HPSE2: variants seen among roughly 807,000 people sequenced by gnomAD.
The protein encoded by HPSE2 is heparanase 2 (inactive).
Under a neutral mutation model 60.5 loss-of-function variants are expected in HPSE2, and 38 were observed. The ratio of observed to expected loss-of-function variants is 0.63; its 90% CI spans 0.48 to 0.82. The LOEUF is 0.82. Among genes scored for constraint, HPSE2 ranks in the 40% least tolerant of loss-of-function variants. HPSE2 has a pLI of 0.00. For synonymous variants in HPSE2, 295 were observed against 293.2 expected (o/e 1.01, Z -0.06); for missense variants, 713 against 740.4 (o/e 0.96, Z 0.43).
chr10:99,020,518 C>T (rs1957239691), intron 3 of HPSE2, among the ~76,000 whole-genome samples: 1 of 152,192 alleles, frequency 6.6e-6, no homozygotes, highest in African/African-American at 2.4e-5. Context: ...ATTCCCTTTC[C>T]AAGGCAGTCT....
intron 3 of HPSE2, among the ~76,000 whole-genome samples, chr10:98,991,264 G>C (rs539102000): frequency 6.6e-6 from 1 of 152,276 alleles, no homozygotes; most frequent in African/African-American, 2.4e-5. Context: ...AAAGTGCTGA[G>C]GTCAGAGTGG....
chr10:98,466,351 C>G (rs543917933), intron 11 of HPSE2, among the ~76,000 whole-genome samples: 1 of 152,208 alleles, frequency 6.6e-6, no homozygotes, highest in East Asian at 1.9e-4. Flanking sequence ...CGGTGGCTCA[C>G]GCCTGTAATC....
chr10:98,551,605 C>G (rs1162793906), intron 9 of HPSE2, among the ~76,000 whole-genome samples: 2 of 152,172 alleles, frequency 1.3e-5, no homozygotes, highest in Admixed American at 6.5e-5. Flanking sequence ...GACTGGGGCT[C>G]ATTCATCCCA....
intron 3 of HPSE2, among the ~76,000 whole-genome samples, chr10:98,818,908 C>T (rs1442868799): frequency 2.6e-5 from 4 of 152,162 alleles, no homozygotes; most frequent in Non-Finnish European, 4.4e-5. Flanking sequence ...TTCAGTTAAC[C>T]TGGCCAGCCA....
At chr10:98,561,915 G>C (rs547800697) in intron 9 of HPSE2, among the ~76,000 whole-genome samples, 1 of 152,246 alleles carries the variant, frequency 6.6e-6, no homozygotes, top group East Asian at 1.9e-4. Context: ...CTTTAGTGTA[G>C]TGTAAGTATA....
chr10:98,758,128 C>T (rs1442581991), intron 3 of HPSE2, among the ~76,000 whole-genome samples: 1 of 152,072 alleles, frequency 6.6e-6, no homozygotes, highest in Admixed American at 6.6e-5. Flanking sequence ...GGATAACTGG[C>T]TAGCCATATG....
chr10:99,293,892 A>G, the HPSE2 span, among the ~76,000 whole-genome samples: 2 of 152,296 alleles, frequency 1.3e-5, no homozygotes, highest in East Asian at 3.9e-4. Flanking sequence ...AACCCAAATT[A>G]TTCCTATAAC....
At chr10:98,610,231 T>C (rs1402069918) in intron 9 of HPSE2, among the ~76,000 whole-genome samples, 1 of 152,172 alleles carries the variant, frequency 6.6e-6, no homozygotes, top group Admixed American at 6.5e-5. Flanking sequence ...ATTTAAGCCC[T>C]GTGTCCACAC....
intron 3 of HPSE2, among the ~76,000 whole-genome samples, chr10:99,005,242 C>G (rs1956864743): frequency 1.6e-5 from 2 of 123,642 alleles, no homozygotes; most frequent in African/African-American, 6.0e-5. Flanking sequence ...TTTCAGTAAG[C>G]TTTTTACCCC....
rs572207162 is a variant in HPSE2, at chr10:99,014,597, C to T, written c.610+129641G>A. 9.2e-5 allele frequency among the ~76,000 whole-genome samples: 14 copies of T among 152,316 alleles called. 1 individual carries two copies. In the South Asian group the frequency reaches 1.4e-3, roughly 16 times the overall value. Reference sequence around the variant, plus strand: ...CAGTGTATAAGTGTTCCGTTTTCTCCACAACCTCACCAGCATATGTTATTT... The same window carrying T: ...CAGTGTATAAGTGTTCCGTTTTCTCTACAACCTCACCAGCATATGTTATTT... On this transcript the variant is annotated intron_variant, in intron 3 of 11. Transcript: ENST00000370552.
At chr10:99,018,317 C>T (rs759311856) in intron 3 of HPSE2, among the ~76,000 whole-genome samples, 4 of 152,146 alleles carry the variant, frequency 2.6e-5, no homozygotes, top group Admixed American at 6.5e-5. Context: ...GAGTAGTTTA[C>T]GGCTGGGTTT....
At chr10:98,855,327 G>A (rs532631892) in intron 3 of HPSE2, among the ~76,000 whole-genome samples, 39 of 152,208 alleles carry the variant, frequency 2.6e-4, no homozygotes, top group Non-Finnish European at 4.4e-4. Context: ...TTGGGTGTGT[G>A]GGGATTGTGG....
intron 9 of HPSE2, among the ~76,000 whole-genome samples, chr10:98,601,865 G>A (rs1225330017): frequency 2.0e-5 from 3 of 152,178 alleles, no homozygotes; most frequent in Non-Finnish European, 4.4e-5. Context: ...AGTAGATAAA[G>A]TCTTCTGTTT....
chr10:98,803,586 C>A (rs1950968964), intron 3 of HPSE2, among the ~76,000 whole-genome samples: 2 of 152,166 alleles, frequency 1.3e-5, no homozygotes, highest in South Asian at 4.1e-4. Flanking sequence ...GGAAACCTTT[C>A]CCCATTGCTT....
intron 3 of HPSE2, among the ~76,000 whole-genome samples, chr10:98,962,868 T>C (rs1255865002): frequency 6.6e-6 from 1 of 152,048 alleles, no homozygotes; most frequent in East Asian, 1.9e-4. Flanking sequence ...GGAATCCAAC[T>C]TACAAGGGAT....
intron 6 of HPSE2, among the ~76,000 whole-genome samples, chr10:98,692,491 G>A (rs888609746): frequency 2.6e-5 from 4 of 151,818 alleles, no homozygotes; most frequent in Admixed American, 6.6e-5. Context: ...ACTTAAGGCC[G>A]GGCGCGGTGG....
chr10:99,232,211 GCATA>G (rs779929720), intron 2 of HPSE2, 133 bp downstream of exon 2: 1 of 696,270 alleles, frequency 1.4e-6, no homozygotes, highest in South Asian at 1.9e-5. Flanking sequence ...GCGCGCGCGC[GCATA>G]CACACACACA....
chr10:98,726,481 G>A (rs113233009), intron 4 of HPSE2, among the ~76,000 whole-genome samples: 11 of 132,170 alleles, frequency 8.3e-5, no homozygotes, highest in African/African-American at 2.9e-4. Flanking sequence ...ACCAGGGACT[G>A]TTGTGGGGCA....
chr10:99,116,519 T>C (rs1227425761), intron 3 of HPSE2, among the ~76,000 whole-genome samples: 1 of 152,070 alleles, frequency 6.6e-6, no homozygotes. Flanking sequence ...ATGACGAGGA[T>C]GCCAAGATTT....
Sources: gnomAD v4.1 joint callset for allele counts (sites outside exome capture counted in the v4.1 genomes callset) on GRCh38, gnomAD v4.1.1 for gene constraint, MANE v1.5 for transcripts, NCBI Gene and HGNC (gene_info 2026-07-23, HGNC 2026-07-21) for gene names.